Variants in SLC22A25 observed in about 807,000 individuals in gnomAD.
SLC22A25 encodes MGI:2442751, MGI:2385316, MGI:3042283, MGI:3645714, MGI:3605624, MGI:2442750.
Under a neutral mutation model 45.9 loss-of-function variants are expected in SLC22A25, and 44 were observed. That is an observed-to-expected ratio of 0.96 (90% CI 0.75 to 1.23). The LOEUF (loss-of-function observed/expected upper bound fraction) is 1.23, where lower values mean the gene tolerates loss of function less well. SLC22A25 is among the 50% of genes most tolerant of loss of function. The probability of loss-of-function intolerance (pLI) is 0.00; values close to 1 mark genes in which losing one functional copy is unlikely to be tolerated. For synonymous variants in SLC22A25, 283 were observed against 238.6 expected (o/e 1.19, Z -1.72); for missense variants, 800 against 666.4 (o/e 1.20, Z -2.21).
At chr11:63,224,598 T>C (rs185069082) in intron 5 of SLC22A25, among the ~76,000 whole-genome samples, 156 of 152,314 alleles carry the variant, frequency 1.0e-3, no homozygotes, top group African/African-American at 3.6e-3. Flanking sequence ...GTGTATCCAT[T>C]GTATGTTTTT....
chr11:63,164,712 G>T (rs750898475), intron 10 of SLC22A25, 78 bp from the exon 11 acceptor site: 4 of 1,182,218 alleles, frequency 3.4e-6, no homozygotes, highest in Non-Finnish European at 3.8e-6. Flanking sequence ...AAGTGAAAAG[G>T]ACTGCTTTGG....
intron 7 of SLC22A25, among the ~76,000 whole-genome samples, chr11:63,189,852 T>C (rs979163054): frequency 6.6e-6 from 1 of 152,244 alleles, no homozygotes; most frequent in Non-Finnish European, 1.5e-5. Context: ...TTCTTTTCTT[T>C]AAGAACGTTG....
rs192945430 is a variant in SLC22A25, at chr11:63,207,334, C to A, written c.830+9980G>T. ...AACTATCATCAGAGTGAACAGGCAA[C>A]CTTCAGAAGGGGAGAAAATTTTTGC... On this transcript the variant is annotated intron_variant, in intron 7 of 11. Coordinates refer to ENST00000306494, the MANE Select transcript of SLC22A25 (RefSeq NM_199352.6). Among the ~76,000 whole-genome samples, 363 of 152,224 alleles carry A rather than the reference C, an allele frequency of 2.4e-3. 1 individual carries two copies. Among genetic ancestry groups the A allele is most frequent in the African/African-American group, 8.2e-3 (340 of 41,546 alleles).
intron 7 of SLC22A25, among the ~76,000 whole-genome samples, chr11:63,185,074 A>T (rs2088475298): frequency 6.6e-6 from 1 of 152,174 alleles, no homozygotes; most frequent in African/African-American, 2.4e-5. Context: ...AACGTAACTG[A>T]CCTGATAAAG....
intron 7 of SLC22A25, among the ~76,000 whole-genome samples, chr11:63,191,174 T>C (rs949427379): frequency 4.6e-5 from 7 of 152,346 alleles, no homozygotes; most frequent in Non-Finnish European, 4.4e-5. Flanking sequence ...GCAGGCCTCC[T>C]CAAGCTGCGG....
At chr11:63,236,692 G>A (rs1324268742) in intron 3 of SLC22A25, among the ~76,000 whole-genome samples, 2 of 152,156 alleles carry the variant, frequency 1.3e-5, no homozygotes, top group Non-Finnish European at 2.9e-5. Flanking sequence ...ACTCCCCAGT[G>A]AGATGAACCC....
chr11:63,192,612 C>T (rs1043770824), intron 7 of SLC22A25, among the ~76,000 whole-genome samples: 1 of 152,154 alleles, frequency 6.6e-6, no homozygotes, highest in Non-Finnish European at 1.5e-5. Context: ...TGCAATAGCA[C>T]ACACAGGCTC....
At chr11:63,188,886 TTTGA>T (rs2088676259) in intron 7 of SLC22A25, among the ~76,000 whole-genome samples, 1 of 152,196 alleles carries the variant, frequency 6.6e-6, no homozygotes, top group African/African-American at 2.4e-5. Flanking sequence ...TGAGTTCTAG[TTTGA>T]TTGCACTGTG....
intron 9 of SLC22A25, among the ~76,000 whole-genome samples, chr11:63,178,721 G>A (rs149398923): frequency 1.3e-4 from 19 of 151,814 alleles, no homozygotes; most frequent in East Asian, 7.8e-4. Flanking sequence ...ATCCCTTGTC[G>A]GTTGAATAGT....
chr11:63,166,578 A>C, intron 9 of SLC22A25: 1 of 1,044,842 alleles, frequency 9.6e-7, no homozygotes, highest in Non-Finnish European at 1.2e-6. Flanking sequence ...AAATCACTGC[A>C]AAAAAATTCA....
chr11:63,175,125 TTTC>T (rs1004650725), intron 9 of SLC22A25, among the ~76,000 whole-genome samples: 17 of 152,146 alleles, frequency 1.1e-4, no homozygotes, highest in Admixed American at 9.2e-4. Context: ...ATTTCAATTG[TTTC>T]TTTGAAAAAC....
chr11:63,225,864 G>A (rs560096097), intron 5 of SLC22A25, among the ~76,000 whole-genome samples: 32 of 151,802 alleles, frequency 2.1e-4, no homozygotes, highest in Non-Finnish European at 4.4e-4. Context: ...TTTTTAAATA[G>A]CCTGTTTTCA....
Position 63,162,368 on chromosome 11 carries a change from A to G in SLC22A25, c.*1456T>C, listed in dbSNP as rs528496940. The stretch of plus-strand genomic sequence containing the variant: ...GTCTAATGTACTGGAAAATTTCTCC[A>G]ATGTTTTCTTGTAGCAGTTTCATAG... On this transcript the variant is annotated 3_prime_UTR_variant, in exon 12 of 12. Coordinates refer to ENST00000306494, the MANE Select transcript of SLC22A25 (RefSeq NM_199352.6). Among the ~76,000 whole-genome samples the G allele has an allele frequency of 6.6e-6, 1 of 152,188 alleles. No homozygotes were observed. Among genetic ancestry groups the G allele is most frequent in the East Asian group, 1.9e-4 (1 of 5,174 alleles).
chr11:63,166,626 T>C, intron 9 of SLC22A25: 1 of 1,023,048 alleles, frequency 9.8e-7, no homozygotes, highest in East Asian at 9.4e-5. Context: ...AAAAATGTAC[T>C]GATGTCAGTC....
At chr11:63,228,928 C>T (rs1218333423) in intron 4 of SLC22A25, among the ~76,000 whole-genome samples, 1 of 152,124 alleles carries the variant, frequency 6.6e-6, no homozygotes, top group Non-Finnish European at 1.5e-5. Context: ...AGTGATTTCC[C>T]AGAGGTTTAT....
intron 3 of SLC22A25, among the ~76,000 whole-genome samples, chr11:63,234,323 G>T (rs1267805069): frequency 1.3e-5 from 2 of 152,190 alleles, no homozygotes; most frequent in Admixed American, 1.3e-4. Context: ...GGGTGCTCCT[G>T]TATTGGGCAC....
At chr11:63,223,530 C>T (rs1347799401) in intron 5 of SLC22A25, among the ~76,000 whole-genome samples, 2 of 151,854 alleles carry the variant, frequency 1.3e-5, no homozygotes, top group African/African-American at 2.4e-5. Flanking sequence ...CTTAGTCTAG[C>T]TAAAGGTTTG....
intron 7 of SLC22A25, among the ~76,000 whole-genome samples, chr11:63,205,930 C>T (rs2089389547): frequency 6.6e-6 from 1 of 152,120 alleles, no homozygotes; most frequent in Non-Finnish European, 1.5e-5. Flanking sequence ...TCCAGCAGCA[C>T]ATCAAAAAGC....
At position 63,217,683 on chromosome 11, in the gene SLC22A25, C is replaced by A; in HGVS notation, c.559G>T (p.Gly187Cys). The change falls in exon 6 of 12, where the codon GGC becomes TGC. Residue 187 changes from glycine to cysteine, a missense_variant. Gly to Cys is a radical substitution (Grantham distance 159). Transcript: ENST00000306494. ...RWSYLQLAIV[G>C]TCAAFAPTIL... ...GTGGGAGCAAAGGCCGCACAGGTGC[C>A]TACAATGGCGAGCTGGAGGTAAGAC... 6.2e-7 allele frequency: 1 copy of A among 1,613,826 alleles called. No homozygotes were observed. Among genetic ancestry groups the A allele is most frequent in the Non-Finnish European group, 8.5e-7 (1 of 1,179,952 alleles).
Sources: gnomAD v4.1 joint callset for allele counts (sites outside exome capture counted in the v4.1 genomes callset) on GRCh38, gnomAD v4.1.1 for gene constraint, MANE v1.5 for transcripts, NCBI Gene and HGNC (gene_info 2026-07-23, HGNC 2026-07-21) for gene names.